Variants in MYO1C observed in about 807,000 individuals in gnomAD.
MYO1C encodes the protein unconventional myosin-Ic.
A neutral mutation model predicts 150.8 loss-of-function variants in MYO1C; 104 were observed. The ratio of observed to expected loss-of-function variants is 0.69; its 90% CI spans 0.59 to 0.81. The LOEUF is 0.81. MYO1C is among the 30% of genes least tolerant of loss of function. MYO1C has a pLI of 0.00. For missense variants in MYO1C, 1,504 were observed against 1,435.0 expected (o/e 1.05, Z -0.78); for synonymous variants, 663 against 579.9 (o/e 1.14, Z -2.06).
At chr17:1,490,361 G>A (rs2074715076) in intron 1 of MYO1C, among the ~76,000 whole-genome samples, 1 of 151,988 alleles carries the variant, frequency 6.6e-6, no homozygotes, top group African/African-American at 2.4e-5. Context: ...AGCTGGGCGC[G>A]GTGGCACACA....
In MYO1C at chr17:1,465,639, C is replaced by T. The variant is rs2150924543; in HGVS notation, c.*87G>A. 1 of 1,271,196 alleles carries T rather than the reference C, an allele frequency of 7.9e-7. No individual in the cohort carries two copies. The highest frequency in any genetic ancestry group is 1.0e-6 in the Non-Finnish European group (1 of 977,324). 78.7% of individuals were successfully genotyped at this position (1,271,196 alleles called of 1,614,324 possible). On this transcript the variant is annotated 3_prime_UTR_variant, in exon 32 of 32. Coordinates refer to ENST00000648651, the MANE Select transcript of MYO1C (RefSeq NM_001080779.2). ...CTTCGGGGTGTCCCTGGGTCCCTGT[C>T]TGGAAGTTCGAGTCTTTGGTAACTG...
chr17:1,465,873 T>C, intron 31 of MYO1C, 121 bp from the exon 32 acceptor site: 1 of 696,662 alleles, frequency 1.4e-6, no homozygotes, highest in Non-Finnish European at 2.1e-6. Flanking sequence ...CGCTATATTG[T>C]CCAGGCTGGT....
At chr17:1,482,153 C>A (rs1180656934) in intron 5 of MYO1C, among the ~76,000 whole-genome samples, 1 of 151,728 alleles carries the variant, frequency 6.6e-6, no homozygotes. Flanking sequence ...CTCAAGTGAT[C>A]CTCCTGCCTC....
intron 19 of MYO1C, among the ~76,000 whole-genome samples, 153 bp downstream of exon 19, chr17:1,471,754 C>G (rs974760107): frequency 6.6e-6 from 1 of 152,080 alleles, no homozygotes; most frequent in Non-Finnish European, 1.5e-5. Flanking sequence ...GATGTCAGGA[C>G]CGCAGCACCA....
intron 1 of MYO1C, among the ~76,000 whole-genome samples, chr17:1,488,263 G>C (rs1158210795): frequency 2.0e-5 from 3 of 152,094 alleles, no homozygotes; most frequent in African/African-American, 7.2e-5. Flanking sequence ...CGGGATGCCC[G>C]CTGGCGCCCC....
chr17:1,485,190 C>T (rs978425924), intron 1 of MYO1C: 1 of 1,185,554 alleles, frequency 8.4e-7, no homozygotes, highest in Non-Finnish European at 1.1e-6. Context: ...GCAAGACCCT[C>T]GCCCCACAAC....
chr17:1,477,667 G>C, intron 13 of MYO1C, 71 bp from the exon 14 acceptor site: 1 of 1,257,940 alleles, frequency 7.9e-7, no homozygotes, highest in Non-Finnish European at 1.2e-6. Context: ...TGGGGTCACC[G>C]TGCTGGGAGG....
intron 1 of MYO1C, chr17:1,491,727 G>C (rs1322554913): frequency 2.4e-6 from 2 of 842,314 alleles, no homozygotes; most frequent in South Asian, 5.4e-5. Context: ...TCGTCATCCC[G>C]GGCAGGGCCG....
At chr17:1,491,585 G>T in intron 1 of MYO1C, 1 of 979,128 alleles carries the variant, frequency 1.0e-6, no homozygotes, top group Non-Finnish European at 1.2e-6. Context: ...CCGTCCCCGC[G>T]CCCCGAGTAC....
At chr17:1,475,124 C>A (rs1229871173) in intron 14 of MYO1C, 92 bp from the exon 15 acceptor site, 10 of 1,286,946 alleles carry the variant, frequency 7.8e-6, no homozygotes, top group Non-Finnish European at 3.3e-6. Flanking sequence ...GAACCAGCTG[C>A]CCAGGTGCAC....
chr17:1,491,332 C>G, intron 1 of MYO1C: 1 of 152,072 alleles, frequency 6.6e-6, no homozygotes, highest in Non-Finnish European at 1.5e-5. Flanking sequence ...GGGCGGGGCC[C>G]GAAGGGCGCG....
chr17:1,465,648 CGA>C lies in MYO1C; in HGVS notation c.*76_*77del. ...GTCCCTGGGTCCCTGTCTGGAAGTT[CGA>C]GTCTTTGGTAACTGGGAAGGGGAGG... On this transcript the variant is annotated 3_prime_UTR_variant, in exon 32 of 32. Transcript: ENST00000648651. The C allele has an allele frequency of 1.5e-6, 2 of 1,293,606 alleles. No homozygotes were observed. Among genetic ancestry groups the C allele is most frequent in the Non-Finnish European group, 2.0e-6 (2 of 997,592 alleles). The allele number at this position is 1,293,606 out of a possible 1,614,324, so 80.1% of individuals were successfully genotyped here.
chr17:1,492,186 CG>C, intron 1 of MYO1C: 2 of 576,960 alleles, frequency 3.5e-6, no homozygotes, highest in Non-Finnish European at 6.2e-6. Context: ...TTCGGGAAGC[CG>C]GGGAAGAGTC....
rs1378813990 is a variant in MYO1C at position 1,479,462 on chromosome 17, G to A, written c.1061C>T (p.Thr354Ile). 2.6e-6 allele frequency: 4 copies of A among 1,514,458 alleles called. No homozygotes were observed. The African/African-American group carries it at 4.1e-5, about 16-fold the overall frequency. The allele number at this position is 1,514,458 out of a possible 1,614,324, so 93.8% of individuals were successfully genotyped here. A position where few individuals can be genotyped will look rare whatever the true frequency, so the allele number is the denominator to read the frequency against. Residue 354 changes from threonine to isoleucine, a missense_variant, in exon 9 of 32, where the codon ACA becomes ATA. Transcript: ENST00000648651. The surrounding 1 kb of genome is among the most constrained non-coding windows in gnomAD (Gnocchi z 4.2). ...VEGSTLREAL[T>I]HRKIIAKGEE... ...CCCCTTGGCGATGATCTTCCTGTGT[G>A]TCAGGGCTTCTCGCAGCGTCGAGCC...
intron 1 of MYO1C, chr17:1,484,966 G>A (rs943738595): frequency 5.9e-6 from 3 of 505,524 alleles, no homozygotes; most frequent in African/African-American, 3.9e-5. Flanking sequence ...CCCCCAGAGG[G>A]CCTCCCACCC....
chr17:1,481,499 A>AT (rs761198266), intron 5 of MYO1C, among the ~76,000 whole-genome samples: 145 of 151,794 alleles, frequency 9.6e-4, no homozygotes, highest in Non-Finnish European at 1.8e-3. Flanking sequence ...AGCTAAAGTC[A>AT]TTTTTTTATT....
rs1045226167 is a variant in MYO1C, at chr17:1,465,495, C to T, written c.*231G>A. ...CATCGGCAGTAGGGCTGGCATGGCT[C>T]GCTCTGGCCCTGGCTTTCCTATTGC... On this transcript the variant is annotated 3_prime_UTR_variant, in exon 32 of 32. Transcript: ENST00000648651. 9.8e-6 allele frequency: 4 copies of T among 406,308 alleles called. No homozygotes were observed. The highest frequency in any genetic ancestry group is 3.6e-5 in the East Asian group (1 of 27,696). 25.2% of individuals were successfully genotyped at this position (406,308 alleles called of 1,614,324 possible).
chr17:1,469,519 C>A lies in MYO1C; in HGVS notation c.2610+12G>T, dbSNP rs557155317. On this transcript the variant is annotated intron_variant, in intron 25 of 31. Transcript: ENST00000648651. ...CCACTTCCTCATCCTCACCCAGCCC[C>A]GCTCTCCGTACCTGCTGCTTCCACT... 1.9e-6 allele frequency: 3 copies of A among 1,603,538 alleles called. No individual in the cohort carries two copies. Among genetic ancestry groups the A allele is most frequent in the Admixed American group, 3.4e-5 (2 of 59,424 alleles).
At position 1,464,645 on chromosome 17, in the gene MYO1C, T is replaced by C. The variant is rs939825780; in HGVS notation, c.*1081A>G. 6.5e-6 allele frequency: 1 copy of C among 152,694 alleles called. No individual in the cohort carries two copies. Among genetic ancestry groups the C allele is most frequent in the Non-Finnish European group, 1.5e-5 (1 of 68,080 alleles). 9.5% of individuals were successfully genotyped at this position (152,694 alleles called of 1,614,324 possible). A position where few individuals can be genotyped will look rare whatever the true frequency, so the allele number is the denominator to read the frequency against. Reference sequence around the variant, plus strand: ...CTTGGTTTTGTGGCAACCTGCCGTATGACCGTGGGCAAGTGCCTTCTCCTG... The same window carrying C: ...CTTGGTTTTGTGGCAACCTGCCGTACGACCGTGGGCAAGTGCCTTCTCCTG... On this transcript the variant is annotated 3_prime_UTR_variant, in exon 32 of 32. Coordinates refer to ENST00000648651, the MANE Select transcript of MYO1C (RefSeq NM_001080779.2).
Sources: allele counts gnomAD v4.1 joint callset (sites outside exome capture counted in the v4.1 genomes callset), GRCh38; gene constraint gnomAD v4.1.1; non-coding constraint Gnocchi (gnomAD v3.1); transcripts MANE v1.5; gene names NCBI Gene and HGNC (gene_info 2026-07-23, HGNC 2026-07-21).